LIN52: variants seen among roughly 807,000 people sequenced by gnomAD.
LIN52 encodes protein lin-52 homolog.
A neutral mutation model predicts 18.5 loss-of-function variants in LIN52; 4 were observed. The ratio of observed to expected loss-of-function variants is 0.22; its 90% CI spans 0.11 to 0.49. LIN52 has a LOEUF of 0.49. Among genes scored for constraint, LIN52 ranks in the 20% least tolerant of loss-of-function variants. LIN52 has a pLI of 0.97. For missense variants in LIN52, 102 were observed against 139.5 expected (o/e 0.73, Z 1.35); for synonymous variants, 34 against 45.5 (o/e 0.75, Z 1.02).
At chr14:74,141,678 C>T (rs575556313) in intron 5 of LIN52, among the ~76,000 whole-genome samples, 40 of 152,194 alleles carry the variant, frequency 2.6e-4, no homozygotes, top group African/African-American at 9.2e-4. Flanking sequence ...CATCATTAGC[C>T]GGACATATGT....
At chr14:74,128,903 C>T (rs1595167263) in intron 5 of LIN52, among the ~76,000 whole-genome samples, 1 of 152,306 alleles carries the variant, frequency 6.6e-6, no homozygotes, top group East Asian at 1.9e-4. Flanking sequence ...GATCGCACCA[C>T]TGCACTCCAG....
At chr14:74,141,392 C>T (rs536627397) in intron 5 of LIN52, among the ~76,000 whole-genome samples, 1 of 152,328 alleles carries the variant, frequency 6.6e-6, no homozygotes, top group South Asian at 2.1e-4. Context: ...ATACATAGAT[C>T]TGCTTCACTG....
At chr14:74,137,191 C>T (rs935456955) in intron 5 of LIN52, among the ~76,000 whole-genome samples, 16 of 148,062 alleles carry the variant, frequency 1.1e-4, no homozygotes, top group Admixed American at 1.4e-4. Flanking sequence ...ATCTATATTA[C>T]GTATTGATAT....
intron 3 of LIN52, among the ~76,000 whole-genome samples, chr14:74,096,883 T>A (rs1005617538): frequency 1.3e-5 from 2 of 152,230 alleles, no homozygotes; most frequent in Non-Finnish European, 2.9e-5. Flanking sequence ...TTTTAAAAGT[T>A]ACACAGGTGA....
chr14:74,155,827 C>A (rs1162100822), intron 5 of LIN52, among the ~76,000 whole-genome samples: 4 of 152,182 alleles, frequency 2.6e-5, no homozygotes, highest in Non-Finnish European at 5.9e-5. Flanking sequence ...TAATGCCAAT[C>A]TTTTCTGTAT....
chr14:74,110,346 GA>G (rs2060918962), intron 5 of LIN52, among the ~76,000 whole-genome samples: 1 of 152,030 alleles, frequency 6.6e-6, no homozygotes, highest in Admixed American at 6.6e-5. Flanking sequence ...GCAACAAAAC[GA>G]AGACTCCATT....
At chr14:74,177,969 G>A (rs2061301127) in intron 5 of LIN52, among the ~76,000 whole-genome samples, 2 of 152,066 alleles carry the variant, frequency 1.3e-5, no homozygotes, top group Admixed American at 1.3e-4. Flanking sequence ...GGTAGAGACG[G>A]GGTTTCATCA....
chr14:74,151,150 GT>G (rs1029790258), intron 5 of LIN52, among the ~76,000 whole-genome samples: 11 of 152,114 alleles, frequency 7.2e-5, no homozygotes, highest in African/African-American at 2.7e-4. Context: ...TCCCTTTGAA[GT>G]TTTTAGTTAA....
At chr14:74,123,013 A>AT (rs1405294498) in intron 5 of LIN52, among the ~76,000 whole-genome samples, 9 of 152,204 alleles carry the variant, frequency 5.9e-5, no homozygotes, top group Admixed American at 3.3e-4. Flanking sequence ...TATTTTGATG[A>AT]TTTGATACAG....
chr14:74,160,318 A>C (rs2061218820), intron 5 of LIN52, among the ~76,000 whole-genome samples: 1 of 152,216 alleles, frequency 6.6e-6, no homozygotes, highest in Non-Finnish European at 1.5e-5. Flanking sequence ...TTCTAGCATT[A>C]GCTCAAGCTG....
At chr14:74,188,696 A>G (rs1288518101) in intron 5 of LIN52, among the ~76,000 whole-genome samples, 1 of 152,182 alleles carries the variant, frequency 6.6e-6, no homozygotes, top group African/African-American at 2.4e-5. Flanking sequence ...TCTGGGTGCT[A>G]TGATTATTTT....
intron 5 of LIN52, among the ~76,000 whole-genome samples, chr14:74,185,591 G>A (rs1207250364): frequency 6.6e-6 from 1 of 152,040 alleles, no homozygotes; most frequent in African/African-American, 2.4e-5. Flanking sequence ...GGGATTACAG[G>A]CATGAGCCAC....
chr14:74,165,464 A>G (rs1205991647), intron 5 of LIN52, among the ~76,000 whole-genome samples: 2 of 151,218 alleles, frequency 1.3e-5, no homozygotes, highest in Non-Finnish European at 2.9e-5. Flanking sequence ...AACAGAGTGA[A>G]AGTGATTGCC....
chr14:74,155,230 T>G (rs1328011291), intron 5 of LIN52, among the ~76,000 whole-genome samples: 4 of 152,194 alleles, frequency 2.6e-5, no homozygotes, highest in Non-Finnish European at 5.9e-5. Context: ...CTGAATGAAA[T>G]TCAAAAAGAC....
intron 5 of LIN52, among the ~76,000 whole-genome samples, chr14:74,103,427 ATTTTTTTTTTTTT>A (rs11347849): frequency 0.13 from 11,609 of 89,092 alleles, 740 homozygotes; most frequent in Admixed American, 0.28. Flanking sequence ...AAAATGTAAG[ATTTTTTTTTTTTT>A]TTTTTTTTTG....
chr14:74,124,752 A>G (rs1252275274), intron 5 of LIN52, among the ~76,000 whole-genome samples: 1 of 145,440 alleles, frequency 6.9e-6, no homozygotes, highest in African/African-American at 2.5e-5. Flanking sequence ...TGGAGGTTGC[A>G]GTGAGCCAAG....
chr14:74,089,088 TAAG>T (rs2060754397), intron 1 of LIN52, among the ~76,000 whole-genome samples: 1 of 149,766 alleles, frequency 6.7e-6, no homozygotes, highest in Non-Finnish European at 1.5e-5. Flanking sequence ...GGGGAAAGGG[TAAG>T]AATGGGAGCA....
intron 5 of LIN52, among the ~76,000 whole-genome samples, chr14:74,130,278 G>GTGGTTTTTTTTTTTTTTT (rs1566856480): frequency 1.5e-5 from 1 of 64,842 alleles, no homozygotes; most frequent in Non-Finnish European, 2.8e-5. Flanking sequence ...GCATTTTTTG[G>GTGGTTTTTTTTTTTTTTT]TTTTTTTTTT....
chr14:74,155,014 T>C (rs945262707), intron 5 of LIN52, among the ~76,000 whole-genome samples: 2 of 152,202 alleles, frequency 1.3e-5, no homozygotes, highest in African/African-American at 4.8e-5. Flanking sequence ...TCAAACTCTT[T>C]TATGTAAACA....
Sources: allele counts gnomAD v4.1 joint callset (sites outside exome capture counted in the v4.1 genomes callset), GRCh38; gene constraint gnomAD v4.1.1; transcripts MANE v1.5; gene names NCBI Gene and HGNC (gene_info 2026-07-23, HGNC 2026-07-21).